DNAI4: variants seen among roughly 807,000 people sequenced by gnomAD.
The protein encoded by DNAI4 is WD repeat domain 78.
Under a neutral mutation model 105.8 loss-of-function variants are expected in DNAI4, and 85 were observed. The ratio of observed to expected loss-of-function variants is 0.80; its 90% CI spans 0.67 to 0.96. The LOEUF is 0.96. Ranked by LOEUF, DNAI4 falls within the 40% of genes least tolerant of loss-of-function variation. The pLI is 0.00. For missense variants in DNAI4, 1,014 were observed against 1,005.6 expected (o/e 1.01, Z -0.11); for synonymous variants, 352 against 331.5 (o/e 1.06, Z -0.67).
chr1:66,847,525 T>A lies in DNAI4; in HGVS notation c.1250A>T (p.Gln417Leu), dbSNP rs776215798. ...MERVLMENIF[Q>L]PKLAAYRQLP... ...CTGACGATAAGCTGCAAGTTTGGGC[T>A]GAAATATATTTTCCATCAGAACCCG... Residue 417 changes from glutamine (Q) to leucine (L), a missense_variant, in exon 8 of 17, where the codon CAG becomes CTG. Coordinates refer to ENST00000371026, the MANE Select transcript of DNAI4 (RefSeq NM_024763.5). 31 of 1,613,198 alleles carry A rather than the reference T, an allele frequency of 1.9e-5. No homozygotes were observed. Among genetic ancestry groups the A allele is most frequent in the Non-Finnish European group, 2.6e-5 (31 of 1,179,848 alleles).
In DNAI4 at chr1:66,813,546, CT is replaced by C. The variant is rs1449958645; in HGVS notation, c.*583del. ...CACTGAATTGGGAATGTGATAAGCG[CT>C]GGTCAAACCATAAAATTCTGATATT... On this transcript the variant is annotated 3_prime_UTR_variant, in exon 17 of 17. Transcript: ENST00000371026. 6.6e-6 allele frequency: 1 copy of C among 152,310 alleles called. No homozygotes were observed. The highest frequency in any genetic ancestry group is 1.9e-4 in the East Asian group (1 of 5,334). The allele number at this position is 152,310 out of a possible 1,614,324, so 9.4% of individuals were successfully genotyped here.
intron 2 of DNAI4, among the ~76,000 whole-genome samples, chr1:66,893,797 CT>C (rs1284546193): frequency 6.6e-6 from 1 of 152,108 alleles, no homozygotes; most frequent in Non-Finnish European, 1.5e-5. Context: ...TTATTATATG[CT>C]TTTGGTTTAC....
chr1:66,910,264 A>G (rs1649558291), intron 1 of DNAI4, among the ~76,000 whole-genome samples: 1 of 152,096 alleles, frequency 6.6e-6, no homozygotes, highest in South Asian at 2.1e-4. Flanking sequence ...ATAAAATAAA[A>G]TATGACTACT....
intron 7 of DNAI4, among the ~76,000 whole-genome samples, chr1:66,859,734 G>A (rs1254112516): frequency 2.6e-5 from 4 of 152,044 alleles, no homozygotes; most frequent in African/African-American, 4.8e-5. Flanking sequence ...CCAACTATAT[G>A]ACAATGTGGA....
rs1289503297 is a variant in DNAI4, at chr1:66,893,094, AAAG to A, written c.530+132_530+134del. ...GAAAGAAAGAAAGAAAGAAAGAAAG[AAAG>A]AAAGAAAGAAAGAAAGAAAGAAAGA... is the stretch of plus-strand genomic sequence containing the variant. On this transcript the variant is annotated intron_variant, in intron 3 of 16. Coordinates refer to ENST00000371026, the MANE Select transcript of DNAI4 (RefSeq NM_024763.5). 51 of 427,274 alleles carry A rather than the reference AAAG, an allele frequency of 1.2e-4. 2 individuals carry two copies. In the Middle Eastern group the frequency reaches 1.9e-3, roughly 16 times the overall value. 26.5% of individuals were successfully genotyped at this position (427,274 alleles called of 1,614,324 possible).
chr1:66,892,950 G>GAAGAA (rs1281447849), intron 3 of DNAI4, among the ~76,000 whole-genome samples: 1 of 91,920 alleles, frequency 1.1e-5, no homozygotes, highest in African/African-American at 4.9e-5. Flanking sequence ...AGAAGAAAGA[G>GAAGAA]AAGAAAGAAA....
intron 7 of DNAI4, among the ~76,000 whole-genome samples, chr1:66,857,035 T>A: frequency 6.6e-6 from 1 of 151,928 alleles, no homozygotes; most frequent in East Asian, 1.9e-4. Flanking sequence ...AAATCAAAAG[T>A]TAGTTCTTTG....
At chr1:66,852,190 T>A (rs1188316279) in intron 7 of DNAI4, among the ~76,000 whole-genome samples, 1 of 151,718 alleles carries the variant, frequency 6.6e-6, no homozygotes, top group Admixed American at 6.6e-5. Context: ...AATTATATTA[T>A]GCTATTAATA....
At chr1:66,909,894 G>A (rs936704381) in intron 1 of DNAI4, among the ~76,000 whole-genome samples, 2 of 152,024 alleles carry the variant, frequency 1.3e-5, no homozygotes, top group African/African-American at 2.4e-5. Context: ...AAATACATCT[G>A]GAATCCATTC....
chr1:66,816,727 TCACACACACA>T (rs57920483), intron 16 of DNAI4, among the ~76,000 whole-genome samples: 10,954 of 137,656 alleles, frequency 0.08, 514 homozygotes, highest in Non-Finnish European at 0.1. Flanking sequence ...AGCCTTGAAA[TCACACACACA>T]CACACACACA....
In DNAI4 at chr1:66,880,503, T is replaced by A. The variant is rs1335434494; in HGVS notation, c.644-5566A>T. Among the ~76,000 whole-genome samples, 13 of 152,156 alleles carry A rather than the reference T, an allele frequency of 8.5e-5. 1 individual carries two copies. The highest frequency in any genetic ancestry group is 2.9e-5 in the Non-Finnish European group (2 of 68,022). On this transcript the variant is annotated intron_variant, in intron 4 of 16. Transcript: ENST00000371026. ...GGAACTGGAGCAAAGGTGACTCTTG[T>A]TTTAGCAAAAAGAGTGGTGACATTT...
chr1:66,918,342 C>T (rs1015141192), intron 1 of DNAI4, among the ~76,000 whole-genome samples: 2 of 152,168 alleles, frequency 1.3e-5, no homozygotes, highest in African/African-American at 4.8e-5. Flanking sequence ...TTATTTTCTA[C>T]AGTTTGGACC....
intron 3 of DNAI4, among the ~76,000 whole-genome samples, chr1:66,892,106 A>G (rs1647705334): frequency 6.6e-6 from 1 of 152,228 alleles, no homozygotes; most frequent in African/African-American, 2.4e-5. Context: ...AAGAATCCAA[A>G]AATAATTTCC....
intron 2 of DNAI4, among the ~76,000 whole-genome samples, chr1:66,897,814 C>T (rs79534354): frequency 2.0e-3 from 305 of 152,214 alleles, no homozygotes; most frequent in Admixed American, 4.1e-3. Context: ...ATCTTAATTC[C>T]AATGGATGTA....
chr1:66,834,569 T>C (rs1336861686), intron 11 of DNAI4, among the ~76,000 whole-genome samples: 1 of 152,132 alleles, frequency 6.6e-6, no homozygotes, highest in Admixed American at 6.5e-5. Context: ...ATTTAAATCT[T>C]ATCCAGGTAA....
At chr1:66,917,247 A>T (rs1409823103) in intron 1 of DNAI4, among the ~76,000 whole-genome samples, 1 of 152,202 alleles carries the variant, frequency 6.6e-6, no homozygotes, top group Non-Finnish European at 1.5e-5. Flanking sequence ...GTTATCAGTA[A>T]TTGTAATTGT....
intron 5 of DNAI4, 36 bp from the exon 6 acceptor site, chr1:66,871,545 G>A (rs936965585): frequency 6.6e-7 from 1 of 1,514,500 alleles, no homozygotes; most frequent in African/African-American, 1.4e-5. Context: ...TCATTAATAA[G>A]AATCATCACC....
Position 66,840,409 on chromosome 1 carries a change from G to T in DNAI4, c.1494+60C>A. ...TAAGGAAAACAATTCTTCATTATTC[G>T]AACTTGATAATTTCCCTTCAATGCT... On this transcript the variant is annotated intron_variant, in intron 9 of 16. Coordinates refer to ENST00000371026, the MANE Select transcript of DNAI4 (RefSeq NM_024763.5). The T allele has an allele frequency of 2.0e-6, 3 of 1,482,776 alleles. No homozygotes were observed. The South Asian group carries it at 3.4e-5, about 17-fold the overall frequency. The allele number at this position is 1,482,776 out of a possible 1,614,324, so 91.9% of individuals were successfully genotyped here.
At chr1:66,886,489 T>C (rs1056854949) in intron 4 of DNAI4, among the ~76,000 whole-genome samples, 2 of 152,126 alleles carry the variant, frequency 1.3e-5, no homozygotes, top group African/African-American at 4.8e-5. Context: ...GGGTAGCAGT[T>C]TGGTTGTGTT....
Sources: gnomAD v4.1 joint callset for allele counts (sites outside exome capture counted in the v4.1 genomes callset) on GRCh38, gnomAD v4.1.1 for gene constraint, MANE v1.5 for transcripts, NCBI Gene and HGNC (gene_info 2026-07-23, HGNC 2026-07-21) for gene names.